The following DPH6 variants were observed in gnomAD, a reference collection of about 807,000 sequenced individuals.
DPH6 encodes the protein diphthamine biosynthesis 6.
In DPH6, 33 loss-of-function variants were observed where a neutral mutation model predicts 38.2. That is an observed-to-expected ratio of 0.86 (90% CI 0.65 to 1.15). The LOEUF is 1.15. Ranked by LOEUF, DPH6 falls within the 50% of genes most tolerant of loss-of-function variation. The pLI is 0.00. For missense variants in DPH6, 325 were observed against 320.0 expected (o/e 1.02, Z -0.12); for synonymous variants, 108 against 103.0 (o/e 1.05, Z -0.30).
chr15:35,402,826 G>T (rs1000472659), intron 6 of DPH6, among the ~76,000 whole-genome samples: 12 of 151,892 alleles, frequency 7.9e-5, no homozygotes, highest in African/African-American at 2.4e-4. Context: ...TATTAGAAAA[G>T]ATGACAATCA....
At chr15:35,430,871 T>A (rs935231454) in intron 5 of DPH6, among the ~76,000 whole-genome samples, 1 of 151,984 alleles carries the variant, frequency 6.6e-6, no homozygotes. Context: ...ACAATGCAAA[T>A]AAAAATGTGA....
At chr15:35,463,900 C>T (rs1274549715) in intron 3 of DPH6, among the ~76,000 whole-genome samples, 4 of 152,042 alleles carry the variant, frequency 2.6e-5, no homozygotes, top group Non-Finnish European at 5.9e-5. Flanking sequence ...GTGACAGGTC[C>T]TATACTAGGA....
chr15:35,198,636 A>G, the DPH6 span, among the ~76,000 whole-genome samples: 1 of 152,230 alleles, frequency 6.6e-6, no homozygotes, highest in Non-Finnish European at 1.5e-5. Context: ...CAACTGGTGA[A>G]CAAATATGAA....
At chr15:35,210,779 G>C in the DPH6 span, among the ~76,000 whole-genome samples, 2 of 152,034 alleles carry the variant, frequency 1.3e-5, no homozygotes, top group Non-Finnish European at 2.9e-5. Flanking sequence ...TCAAGTCTGT[G>C]TGTTCCTCAA....
intron 3 of DPH6, among the ~76,000 whole-genome samples, chr15:35,471,858 TTC>T (rs1478333136): frequency 5.3e-5 from 8 of 152,254 alleles, no homozygotes; most frequent in Non-Finnish European, 7.3e-5. Flanking sequence ...TTCTATTAGA[TTC>T]TGTTAGCATC....
intron 3 of DPH6, among the ~76,000 whole-genome samples, chr15:35,285,871 A>ATTTTTTTTTTTTTTTTTTTTTTTT (rs1566859769): frequency 3.5e-4 from 1 of 2,864 alleles, no homozygotes; most frequent in Non-Finnish European, 1.0e-3. Context: ...TTTATCTTTG[A>ATTTTTTTTTTTTTTTTTTTTTTTT]GTTTTTTTTT....
intron 3 of DPH6, among the ~76,000 whole-genome samples, chr15:35,331,383 T>A (rs1210653817): frequency 2.6e-5 from 4 of 152,016 alleles, no homozygotes; most frequent in African/African-American, 9.7e-5. Context: ...CAGGTATACA[T>A]AAATCTATCA....
In DPH6 at chr15:35,371,978, A is replaced by G; in HGVS notation, c.*172T>C. On this transcript the variant is annotated 3_prime_UTR_variant, in exon 9 of 9. Coordinates refer to ENST00000256538, the MANE Select transcript of DPH6 (RefSeq NM_080650.4). ...GGCACTATTAATGAACATGCCGTCG[A>G]CATTTTCCCAATTAATAAATGGTTC... 7.6e-7 allele frequency: 1 copy of G among 1,322,202 alleles called. No individual in the cohort carries two copies. The highest frequency in any genetic ancestry group is 9.7e-7 in the Non-Finnish European group (1 of 1,033,934). The allele number at this position is 1,322,202 out of a possible 1,614,324, so 81.9% of individuals were successfully genotyped here.
At chr15:35,388,313 G>T (rs1477095266) in intron 6 of DPH6, among the ~76,000 whole-genome samples, 6 of 151,802 alleles carry the variant, frequency 4.0e-5, no homozygotes, top group Non-Finnish European at 7.4e-5. Context: ...CTTTTTTTGT[G>T]GTGTCTCTGC....
the DPH6 span, among the ~76,000 whole-genome samples, chr15:35,195,078 C>A: frequency 1.3e-5 from 2 of 152,184 alleles, no homozygotes; most frequent in African/African-American, 4.8e-5. Context: ...TTTCTCCACA[C>A]CCTTCCTGGC....
the DPH6 span, among the ~76,000 whole-genome samples, chr15:35,184,414 C>G: frequency 6.6e-6 from 1 of 152,170 alleles, no homozygotes; most frequent in African/African-American, 2.4e-5. Context: ...AATCCTCCCA[C>G]TGAAAAGTAA....
chr15:35,350,907 T>C (rs574044826), intron 3 of DPH6, among the ~76,000 whole-genome samples: 6 of 152,168 alleles, frequency 3.9e-5, no homozygotes, highest in Non-Finnish European at 8.8e-5. Flanking sequence ...TCTGCTGTTG[T>C]TGGGTGGAAT....
chr15:35,450,063 A>G (rs2053911964), intron 5 of DPH6, among the ~76,000 whole-genome samples: 1 of 152,134 alleles, frequency 6.6e-6, no homozygotes, highest in South Asian at 2.1e-4. Flanking sequence ...ATAATTATAG[A>G]AATTCCAAAT....
intron 3 of DPH6, among the ~76,000 whole-genome samples, chr15:35,498,504 G>A (rs1366609900): frequency 6.6e-6 from 1 of 152,002 alleles, no homozygotes; most frequent in Non-Finnish European, 1.5e-5. Context: ...GGATATCCAG[G>A]ATTCTTCCAC....
At chr15:35,360,948 C>T (rs2052609158) in intron 3 of DPH6, among the ~76,000 whole-genome samples, 1 of 152,142 alleles carries the variant, frequency 6.6e-6, no homozygotes, top group Non-Finnish European at 1.5e-5. Context: ...CAGGACTTCT[C>T]CCTACAGCAA....
chr15:35,277,086 T>G (rs968471408), intron 3 of DPH6, among the ~76,000 whole-genome samples: 1 of 152,244 alleles, frequency 6.6e-6, no homozygotes. Context: ...TATTTGTTTG[T>G]GTCATCTATG....
At chr15:35,232,063 G>T (rs2051521687) in intron 3 of DPH6, among the ~76,000 whole-genome samples, 1 of 152,166 alleles carries the variant, frequency 6.6e-6, no homozygotes, top group South Asian at 2.1e-4. Context: ...GGAGTGAACT[G>T]GAAAGACAGG....
chr15:35,485,503 A>G (rs1239531325), intron 3 of DPH6, among the ~76,000 whole-genome samples: 1 of 152,200 alleles, frequency 6.6e-6, no homozygotes, highest in Non-Finnish European at 1.5e-5. Flanking sequence ...GATATGAGCA[A>G]TCTTTAACAG....
intron 3 of DPH6, chr15:35,282,719 G>A: frequency 2.7e-6 from 1 of 364,078 alleles, no homozygotes; most frequent in Middle Eastern, 1.2e-3. Context: ...CCTTACGTGG[G>A]AAGGACAGCA....
Sources: allele counts gnomAD v4.1 joint callset (sites outside exome capture counted in the v4.1 genomes callset), GRCh38; gene constraint gnomAD v4.1.1; transcripts MANE v1.5; gene names NCBI Gene and HGNC (gene_info 2026-07-23, HGNC 2026-07-21).